ASB7: variants seen among roughly 807,000 people sequenced by gnomAD.
ASB7 encodes ankyrin repeat and SOCS box protein 7.
ASB7 carries 4 observed loss-of-function variants against 32.5 expected under a neutral mutation model. That is an observed-to-expected ratio of 0.12 (90% CI 0.06 to 0.28). The LOEUF (loss-of-function observed/expected upper bound fraction) is 0.28, where lower values mean the gene tolerates loss of function less well. Ranked by LOEUF, ASB7 falls within the 10% of genes least tolerant of loss-of-function variation. ASB7 has a pLI of 1.00. For missense variants in ASB7, 181 were observed against 407.1 expected, an observed-to-expected ratio of 0.44 and a Z score of 4.78; for synonymous variants, 172 against 155.6, an observed-to-expected ratio of 1.11 and a Z score of -0.78.
At position 100,602,628 on chromosome 15, in the gene ASB7, C is replaced by G. The variant is rs2039553876; in HGVS notation, c.-691C>G. 1 of 213,518 alleles carries G rather than the reference C, an allele frequency of 4.7e-6. No individual in the cohort carries two copies. Among genetic ancestry groups the G allele is most frequent in the Non-Finnish European group, 9.2e-6 (1 of 109,082 alleles). 13.2% of individuals were successfully genotyped at this position (213,518 alleles called of 1,614,324 possible). A position where few individuals can be genotyped will look rare whatever the true frequency, so the allele number is the denominator to read the frequency against. On this transcript the variant is annotated 5_prime_UTR_variant, in exon 1 of 6. Transcript: ENST00000332783. Reference sequence around the variant, plus strand: ...GCTGAAGGGAGGGGGCGGGGGTGGCCCAGTGCAAAGTGCATCCCGAAAGCC... The same window carrying G: ...GCTGAAGGGAGGGGGCGGGGGTGGCGCAGTGCAAAGTGCATCCCGAAAGCC...
intron 2 of ASB7, among the ~76,000 whole-genome samples, chr15:100,608,336 TGAGGAGA>T (rs2039665287): frequency 2.0e-5 from 3 of 152,354 alleles, no homozygotes; most frequent in South Asian, 4.1e-4. Flanking sequence ...GTCACCACCT[TGAGGAGA>T]GACTACCTAT....
At chr15:100,639,093 T>C (rs1298555322) in intron 5 of ASB7, among the ~76,000 whole-genome samples, 1 of 152,194 alleles carries the variant, frequency 6.6e-6, no homozygotes, top group Non-Finnish European at 1.5e-5. Context: ...CAGTATGCTT[T>C]GGTGGTGTGT....
intron 5 of ASB7, among the ~76,000 whole-genome samples, chr15:100,640,232 C>T (rs968841510): frequency 6.6e-6 from 1 of 152,084 alleles, no homozygotes; most frequent in African/African-American, 2.4e-5. Context: ...GCAACCTCTG[C>T]CTACAAGGCT....
chr15:100,603,467 C>G (rs1479921888), intron 2 of ASB7, among the ~76,000 whole-genome samples, 154 bp downstream of exon 2: 1 of 146,426 alleles, frequency 6.8e-6, no homozygotes, highest in Non-Finnish European at 1.5e-5. Flanking sequence ...AAACATTACC[C>G]GTGCCTGATA....
rs1345038322 is a variant in ASB7, at chr15:100,643,474, C to CTT, written c.818-4848_818-4847dup. 8.7e-4 allele frequency among the ~76,000 whole-genome samples: 116 copies of CTT among 132,636 alleles called. 4 individuals are homozygous for CTT. Among genetic ancestry groups the CTT allele is most frequent in the African/African-American group, 3.1e-3 (107 of 34,492 alleles). The allele number at this position is 132,636 out of a possible 152,430, so 87.0% of individuals were successfully genotyped here. A position where few individuals can be genotyped will look rare whatever the true frequency, so the allele number is the denominator to read the frequency against. Reference sequence around the variant, plus strand: ...CCATAACCTTTTGTCTCAGTCCCTTCTTCTTTTTTTTTTTTTTTTTTTTTT... The same window carrying CTT: ...CCATAACCTTTTGTCTCAGTCCCTTCTTTTCTTTTTTTTTTTTTTTTTTTTTT... On this transcript the variant is annotated intron_variant, in intron 5 of 5. Coordinates refer to ENST00000332783, the MANE Select transcript of ASB7 (RefSeq NM_198243.3).
At chr15:100,611,899 C>G (rs4965324) in intron 3 of ASB7, among the ~76,000 whole-genome samples, 7 of 148,748 alleles carry the variant, frequency 4.7e-5, no homozygotes, top group African/African-American at 2.5e-5. Context: ...GGCTCACTGC[C>G]GCTTTGATCT....
At chr15:100,643,507 G>A (rs1474456587) in intron 5 of ASB7, among the ~76,000 whole-genome samples, 1 of 126,954 alleles carries the variant, frequency 7.9e-6, no homozygotes, top group Non-Finnish European at 1.6e-5. Context: ...TTTTTTTGAG[G>A]CAGAGGCTGG....
chr15:100,628,137 A>G (rs540439967), intron 4 of ASB7, among the ~76,000 whole-genome samples: 25 of 152,374 alleles, frequency 1.6e-4, no homozygotes, highest in Non-Finnish European at 2.9e-4. Context: ...TAATACTACC[A>G]TTGTGTACTG....
At chr15:100,635,529 G>C (rs916761307) in intron 5 of ASB7, among the ~76,000 whole-genome samples, 5 of 152,216 alleles carry the variant, frequency 3.3e-5, no homozygotes, top group Non-Finnish European at 5.9e-5. Context: ...GTAGGTGCCA[G>C]AGGGTTCCGG....
chr15:100,624,540 G>C (rs2039821386), intron 4 of ASB7, among the ~76,000 whole-genome samples: 1 of 152,172 alleles, frequency 6.6e-6, no homozygotes, highest in South Asian at 2.1e-4. Flanking sequence ...TGTGCCATTA[G>C]GAAAAATGGA....
chr15:100,641,066 G>A (rs1466006977), intron 5 of ASB7, among the ~76,000 whole-genome samples: 4 of 143,326 alleles, frequency 2.8e-5, no homozygotes, highest in African/African-American at 5.2e-5. Flanking sequence ...TTATGATCCC[G>A]TGCACAGGGA....
In ASB7 at chr15:100,618,283, A is replaced by AT. The variant is rs529887253; in HGVS notation, c.211+5867dup. On this transcript the variant is annotated intron_variant, in intron 4 of 5. Transcript: ENST00000332783. ...AGGTGTGTGCCACCACACCCAGCTA[A>AT]TTTTTTTTTTTAGTAGAGACGGGGT... Among the ~76,000 whole-genome samples the AT allele has an allele frequency of 5.7e-3, 844 of 147,006 alleles. 13 individuals carry two copies. The East Asian group carries it at 0.06, about 10-fold the overall frequency.
intron 5 of ASB7, chr15:100,645,608 T>C (rs979069334): frequency 2.6e-6 from 2 of 782,168 alleles, no homozygotes; most frequent in Non-Finnish European, 4.6e-6. Flanking sequence ...TGAAATCTGC[T>C]GTGGTTCATG....
chr15:100,637,995 T>C lies in ASB7; in HGVS notation c.817+7953T>C, dbSNP rs535974801. Among the ~76,000 whole-genome samples, 7 of 151,758 alleles carry C rather than the reference T, an allele frequency of 4.6e-5. No homozygotes were observed. The South Asian group carries it at 1.5e-3, about 31-fold the overall frequency. On this transcript the variant is annotated intron_variant, in intron 5 of 5. Transcript: ENST00000332783. ...CATAAAAATTTATTTCAATTGATTG[T>C]GGATTTTTTCTTATTTTAAGTGAAT... is the stretch of plus-strand genomic sequence containing the variant.
rs151037522 is a variant in ASB7 at position 100,638,123 on chromosome 15, G to A, written c.817+8081G>A. 5.9e-5 allele frequency among the ~76,000 whole-genome samples: 9 copies of A among 152,146 alleles called. No homozygotes were observed. The East Asian group carries it at 1.2e-3, about 20-fold the overall frequency. ...TCTCCAATTTTAAAAGTGCAAGGGG[G>A]TCCTAAAACTAAAAAGCTGAGACCT... On this transcript the variant is annotated intron_variant, in intron 5 of 5. Coordinates refer to ENST00000332783, the MANE Select transcript of ASB7 (RefSeq NM_198243.3).
At chr15:100,611,606 A>C (rs2039696631) in intron 3 of ASB7, among the ~76,000 whole-genome samples, 1 of 148,788 alleles carries the variant, frequency 6.7e-6, no homozygotes, top group South Asian at 2.1e-4. Flanking sequence ...CAGCCACCCA[A>C]ATAGCTGGGA....
At chr15:100,606,274 C>T (rs1421629167) in intron 2 of ASB7, among the ~76,000 whole-genome samples, 1 of 151,952 alleles carries the variant, frequency 6.6e-6, no homozygotes, top group Non-Finnish European at 1.5e-5. Context: ...GTTTACTTTG[C>T]AAAGAAATGC....
At chr15:100,623,059 AG>A (rs2039807427) in intron 4 of ASB7, among the ~76,000 whole-genome samples, 1 of 152,238 alleles carries the variant, frequency 6.6e-6, no homozygotes. Context: ...TGTAATATCC[AG>A]AATATACAAG....
chr15:100,607,118 A>C (rs927201524), intron 2 of ASB7, among the ~76,000 whole-genome samples: 18 of 150,882 alleles, frequency 1.2e-4, no homozygotes, highest in Non-Finnish European at 2.5e-4. Flanking sequence ...GCACCACTGC[A>C]CTCCAGCCTG....
Sources: allele counts gnomAD v4.1 joint callset (sites outside exome capture counted in the v4.1 genomes callset), GRCh38; gene constraint gnomAD v4.1.1; transcripts MANE v1.5; gene names NCBI Gene and HGNC (gene_info 2026-07-23, HGNC 2026-07-21).